The following DLG2 variants were observed in gnomAD, a reference collection of about 807,000 sequenced individuals.
The protein encoded by DLG2 is discs large MAGUK scaffold protein 2, also known as disks large homolog 2.
DLG2 carries 45 observed loss-of-function variants against 132.5 expected under a neutral mutation model. The ratio of observed to expected loss-of-function variants is 0.34; its 90% confidence interval spans 0.27 to 0.44. The LOEUF (loss-of-function observed/expected upper bound fraction) is 0.44, where lower values mean the gene tolerates loss of function less well. DLG2 is among the 20% of genes least tolerant of loss of function. The pLI, the probability that DLG2 is intolerant of heterozygous loss-of-function variation, is 1.00. For synonymous variants in DLG2, 424 were observed against 419.6 expected (o/e 1.01, Z -0.13); for missense variants, 1,045 against 1,196.9 (o/e 0.87, Z 1.87).
At chr11:84,873,163 G>A (rs562903671) in intron 6 of DLG2, among the ~76,000 whole-genome samples, 117 of 152,288 alleles carry the variant, frequency 7.7e-4, no homozygotes, top group Non-Finnish European at 1.4e-3. Context: ...GGGTTATCCA[G>A]GTAAGCCCAA....
chr11:85,496,429 G>A lies in DLG2; in HGVS notation c.40+102228C>T, dbSNP rs183103058. Among the ~76,000 whole-genome samples the A allele has an allele frequency of 2.8e-3, 434 of 152,308 alleles. 4 individuals carry two copies. The highest frequency in any genetic ancestry group is 1.0e-2 in the African/African-American group (415 of 41,572). On this transcript the variant is annotated intron_variant, in intron 3 of 27. Coordinates refer to ENST00000376104, the MANE Select transcript of DLG2 (RefSeq NM_001142699.3). ...AAAGTGGCAGGGAAGCTCAAACTGGGTGAAGCCCACTGCAGCTCATCAAGA... is the reference window on the plus strand; with the variant it reads ...AAAGTGGCAGGGAAGCTCAAACTGGATGAAGCCCACTGCAGCTCATCAAGA...
intron 3 of DLG2, among the ~76,000 whole-genome samples, chr11:85,463,573 G>A (rs115903537): frequency 1.2e-3 from 178 of 152,296 alleles, no homozygotes; most frequent in African/African-American, 4.1e-3. Flanking sequence ...GAGGCCAGGA[G>A]TATGAGACCA....
chr11:83,792,350 C>T (rs1362043085), intron 17 of DLG2, among the ~76,000 whole-genome samples: 1 of 151,982 alleles, frequency 6.6e-6, no homozygotes, highest in Non-Finnish European at 1.5e-5. Context: ...AAAACAAAAA[C>T]AGGCCATAAT....
chr11:85,025,885 TAATC>T (rs1233352287), intron 6 of DLG2, among the ~76,000 whole-genome samples: 1 of 151,864 alleles, frequency 6.6e-6, no homozygotes, highest in African/African-American at 2.4e-5. Context: ...GTGCAAAAGA[TAATC>T]AATAAATGTT....
chr11:84,162,310 A>G (rs1012993459), intron 9 of DLG2, among the ~76,000 whole-genome samples: 1 of 151,960 alleles, frequency 6.6e-6, no homozygotes, highest in Non-Finnish European at 1.5e-5. Flanking sequence ...TTATGAGTGT[A>G]TTTATGTATA....
At chr11:84,575,821 A>G (rs1176149782) in intron 6 of DLG2, among the ~76,000 whole-genome samples, 1 of 152,150 alleles carries the variant, frequency 6.6e-6, no homozygotes, top group Non-Finnish European at 1.5e-5. Flanking sequence ...GCTTCTTCAG[A>G]CTTGAGATTA....
At chr11:83,790,040 C>T in intron 17 of DLG2, 1 of 1,372,252 alleles carries the variant, frequency 7.3e-7, no homozygotes. Flanking sequence ...TAAGTCTATT[C>T]TGGTATACTG....
intron 4 of DLG2, among the ~76,000 whole-genome samples, chr11:85,251,066 G>T (rs1285876105): frequency 6.6e-6 from 1 of 152,114 alleles, no homozygotes; most frequent in East Asian, 1.9e-4. Flanking sequence ...CAACAGTAAG[G>T]TTGTTAGCAT....
At chr11:84,977,155 G>C (rs2055022914) in intron 6 of DLG2, among the ~76,000 whole-genome samples, 1 of 152,086 alleles carries the variant, frequency 6.6e-6, no homozygotes, top group Admixed American at 6.6e-5. Flanking sequence ...ATGCTGATTA[G>C]TCTGCCTATT....
Position 83,958,032 on chromosome 11 carries a change from T to A in DLG2, c.1340+4853A>T, listed in dbSNP as rs114146977. The stretch of plus-strand genomic sequence containing the variant: ...AATGCATTTATTTATACATCTCTTA[T>A]TCAATATACTAAAATGTAAATTCCA... On this transcript the variant is annotated intron_variant, in intron 14 of 27. Transcript: ENST00000376104. Among the ~76,000 whole-genome samples the A allele has an allele frequency of 5.7e-3, 865 of 152,304 alleles. 4 individuals carry two copies. Among genetic ancestry groups the A allele is most frequent in the African/African-American group, 0.02 (817 of 41,570 alleles).
At chr11:84,893,564 C>A (rs570879679) in intron 6 of DLG2, among the ~76,000 whole-genome samples, 1 of 152,226 alleles carries the variant, frequency 6.6e-6, no homozygotes, top group East Asian at 1.9e-4. Flanking sequence ...TCTGAAGAGT[C>A]TGAAAGTTTA....
intron 7 of DLG2, among the ~76,000 whole-genome samples, chr11:84,399,979 A>C (rs2098824062): frequency 6.6e-6 from 1 of 152,226 alleles, no homozygotes; most frequent in South Asian, 2.1e-4. Flanking sequence ...TGTGAAGGCA[A>C]GTCTGATTTC....
intron 3 of DLG2, chr11:85,286,078 G>C: frequency 2.3e-6 from 1 of 430,028 alleles, no homozygotes; most frequent in Non-Finnish European, 4.6e-6. Flanking sequence ...AAGTCAACAG[G>C]AAAAAAAAAG....
intron 17 of DLG2, among the ~76,000 whole-genome samples, chr11:83,802,859 A>G (rs1374033749): frequency 1.3e-5 from 2 of 152,178 alleles, no homozygotes; most frequent in Non-Finnish European, 2.9e-5. Context: ...AATTGATAAC[A>G]GAGGCTTTAA....
At chr11:84,132,383 G>C (rs758944229) in intron 9 of DLG2, among the ~76,000 whole-genome samples, 23 of 151,940 alleles carry the variant, frequency 1.5e-4, no homozygotes, top group Non-Finnish European at 3.2e-4. Flanking sequence ...CAGATGCTTA[G>C]AAACATACAA....
chr11:85,422,388 T>C (rs2090385666), intron 3 of DLG2, among the ~76,000 whole-genome samples: 2 of 152,124 alleles, frequency 1.3e-5, no homozygotes, highest in African/African-American at 4.8e-5. Flanking sequence ...ATTTTCTTCT[T>C]TTCCCTTTGT....
chr11:84,498,974 G>C (rs1280159269), intron 7 of DLG2, among the ~76,000 whole-genome samples: 2 of 152,160 alleles, frequency 1.3e-5, no homozygotes, highest in Non-Finnish European at 2.9e-5. Flanking sequence ...GACACATAGG[G>C]TCAAAGCTGC....
At chr11:84,550,112 C>T (rs1452049911) in intron 6 of DLG2, among the ~76,000 whole-genome samples, 1 of 131,020 alleles carries the variant, frequency 7.6e-6, no homozygotes, top group East Asian at 2.3e-4. Flanking sequence ...TAAAACGAGC[C>T]TATACACACA....
intron 6 of DLG2, among the ~76,000 whole-genome samples, chr11:84,556,630 G>T (rs1424316602): frequency 6.6e-6 from 1 of 152,198 alleles, no homozygotes; most frequent in East Asian, 1.9e-4. Context: ...TGACCCACAG[G>T]CCGCAGGTTG....
Sources: allele counts gnomAD v4.1 joint callset (sites outside exome capture counted in the v4.1 genomes callset), GRCh38; gene constraint gnomAD v4.1.1; transcripts MANE v1.5; gene names NCBI Gene and HGNC (gene_info 2026-07-23, HGNC 2026-07-21).